Variants in COL4A6 observed in about 807,000 individuals in gnomAD.
The protein encoded by COL4A6 is collagen alpha-6(IV) chain.
In COL4A6, 59 loss-of-function variants were observed where a neutral mutation model predicts 126.7. The ratio of observed to expected loss-of-function variants is 0.47; its 90% CI spans 0.38 to 0.58. COL4A6 has a LOEUF of 0.58. Among genes scored for constraint, COL4A6 ranks in the 20% least tolerant of loss-of-function variants. The pLI is 0.00. For missense variants in COL4A6, 1,285 were observed against 1,337.3 expected (o/e 0.96, Z 0.61); for synonymous variants, 547 against 496.6 (o/e 1.10, Z -1.35).
chrX:108,394,003 T>C (rs2040899252), intron 2 of COL4A6, among the ~76,000 whole-genome samples: 1 of 111,883 alleles, frequency 8.9e-6, no homozygotes, highest in Admixed American at 9.5e-5. Flanking sequence ...CTGTTCACAA[T>C]AGCAAAGACT....
chrX:108,373,452 G>A (rs1315479454), intron 2 of COL4A6, among the ~76,000 whole-genome samples: 1 of 111,512 alleles, frequency 9.0e-6, no homozygotes, highest in Non-Finnish European at 1.9e-5. Context: ...TGTGGAGGGC[G>A]TGACCTAAAG....
intron 3 of COL4A6, chrX:108,268,221 T>C (rs1042439920): frequency 7.1e-5 from 8 of 112,103 alleles, no homozygotes; most frequent in African/African-American, 2.6e-4. Flanking sequence ...TTTAAAATGG[T>C]TCATTTAAAA....
At chrX:108,289,370 G>T (rs1382769297) in intron 3 of COL4A6, among the ~76,000 whole-genome samples, 1 of 108,779 alleles carries the variant, frequency 9.2e-6, no homozygotes, top group Non-Finnish European at 1.9e-5. Context: ...CTCTCAAATA[G>T]TTTGTAGAAA....
chrX:108,214,702 G>A (rs779203316), intron 5 of COL4A6, among the ~76,000 whole-genome samples: 21 of 112,274 alleles, frequency 1.9e-4, no homozygotes, highest in African/African-American at 6.8e-4. Context: ...CAGAGCAGAA[G>A]CAGTTCCCAC....
intron 5 of COL4A6, among the ~76,000 whole-genome samples, chrX:108,215,561 G>A (rs147462166): frequency 0.011 from 1,207 of 111,472 alleles, 6 homozygotes; most frequent in Middle Eastern, 0.023. Flanking sequence ...GCTCCCTTTC[G>A]TTCTGTCTTC....
chrX:108,386,756 T>C (rs921248805), intron 2 of COL4A6, among the ~76,000 whole-genome samples: 2 of 112,068 alleles, frequency 1.8e-5, no homozygotes, highest in African/African-American at 6.5e-5. Flanking sequence ...TTTGTTGCCA[T>C]TGCTTTTGGT....
intron 2 of COL4A6, among the ~76,000 whole-genome samples, chrX:108,341,940 C>T: frequency 8.9e-6 from 1 of 112,190 alleles, no homozygotes; most frequent in Middle Eastern, 4.6e-3. Flanking sequence ...AAAGCCAGTC[C>T]AGACAGTAAC....
At chrX:108,364,792 C>CT (rs1025364878) in intron 2 of COL4A6, among the ~76,000 whole-genome samples, 1 of 111,703 alleles carries the variant, frequency 9.0e-6, no homozygotes, top group Non-Finnish European at 1.9e-5. Context: ...TTGTATACCA[C>CT]TTTTTTCTGG....
intron 37 of COL4A6, 45 bp downstream of exon 37, chrX:108,169,450 C>T (rs755181980): frequency 8.3e-7 from 1 of 1,204,690 alleles, no homozygotes; most frequent in Non-Finnish European, 1.1e-6. Flanking sequence ...CTGACTCTCC[C>T]AGCAAGGCCT....
intron 2 of COL4A6, among the ~76,000 whole-genome samples, chrX:108,346,758 T>C (rs1197267985): frequency 8.9e-6 from 1 of 112,522 alleles, no homozygotes; most frequent in East Asian, 2.8e-4. Context: ...ATATTAAACA[T>C]TTAAATAAGT....
At chrX:108,417,610 T>C (rs748701099) in intron 2 of COL4A6, among the ~76,000 whole-genome samples, 1 of 111,883 alleles carries the variant, frequency 8.9e-6, no homozygotes, top group African/African-American at 3.2e-5. Flanking sequence ...AATATAGGTA[T>C]AATTTTTAAT....
chrX:108,335,746 T>C (rs2039417740), intron 2 of COL4A6, among the ~76,000 whole-genome samples: 1 of 110,873 alleles, frequency 9.0e-6, no homozygotes. Context: ...GTGGGGGTGA[T>C]GAGGTAAGTA....
At chrX:108,275,413 A>C (rs1447673757) in intron 3 of COL4A6, among the ~76,000 whole-genome samples, 1 of 112,256 alleles carries the variant, frequency 8.9e-6, no homozygotes, top group Non-Finnish European at 1.9e-5. Flanking sequence ...TCTGTATGGC[A>C]CACTCAAATT....
intron 32 of COL4A6, among the ~76,000 whole-genome samples, chrX:108,171,945 T>C (rs760145767): frequency 8.3e-4 from 93 of 112,105 alleles, no homozygotes; most frequent in Non-Finnish European, 1.3e-3. Flanking sequence ...GTAAGTACCA[T>C]TGTTTGTTGC....
rs372661794 is a variant in COL4A6 at position 108,175,778 on chromosome X, T to G, written c.2706A>C (p.Gly902=). Residue 902 remains glycine (G), a synonymous_variant, in exon 29 of 45, where the codon GGA becomes GGC. Coordinates refer to ENST00000334504, the MANE Select transcript of COL4A6 (RefSeq NM_033641.4). ...SGPKGEKGSV[G]FVGFPGIPGL... is the part of the protein sequence containing the mutation. ...CTGGTATTCCTGGAAAACCTACGAA[T>G]CCAACAGACCCCTTCTCTCCTGTTG... 1 of 1,196,509 alleles carries G rather than the reference T, an allele frequency of 8.4e-7. No individual in the cohort carries two copies. Among genetic ancestry groups the G allele is most frequent in the African/African-American group, 1.8e-5 (1 of 56,357 alleles).
intron 3 of COL4A6, among the ~76,000 whole-genome samples, chrX:108,250,736 A>T (rs1236658569): frequency 9.0e-6 from 1 of 111,242 alleles, no homozygotes; most frequent in African/African-American, 3.3e-5. Context: ...TGAATTATAC[A>T]CTTGGCCAGA....
At chrX:108,358,984 C>A (rs73526999) in intron 2 of COL4A6, among the ~76,000 whole-genome samples, 1 of 110,920 alleles carries the variant, frequency 9.0e-6, no homozygotes, top group Admixed American at 9.5e-5. Context: ...TCCTAGGGAC[C>A]GGATCTGCAC....
At chrX:108,239,001 G>C (rs1272245026) in intron 3 of COL4A6, among the ~76,000 whole-genome samples, 1 of 112,039 alleles carries the variant, frequency 8.9e-6, no homozygotes, top group Non-Finnish European at 1.9e-5. Context: ...CCCTTCTGTG[G>C]TCTGTCCATT....
At chrX:108,370,604 A>T (rs993386446) in intron 2 of COL4A6, among the ~76,000 whole-genome samples, 3 of 111,738 alleles carry the variant, frequency 2.7e-5, no homozygotes, top group Admixed American at 9.5e-5. Flanking sequence ...CATTATATAT[A>T]GCTTCTCTAA....
Sources: gnomAD v4.1 joint callset for allele counts (sites outside exome capture counted in the v4.1 genomes callset) on GRCh38, gnomAD v4.1.1 for gene constraint, MANE v1.5 for transcripts, NCBI Gene and HGNC (gene_info 2026-07-23, HGNC 2026-07-21) for gene names.